Variants in TFB1M observed in about 807,000 individuals in gnomAD.
The protein encoded by TFB1M is dimethyladenosine transferase 1, mitochondrial.
In TFB1M, 27 loss-of-function variants were observed where a neutral mutation model predicts 31.1. The ratio of observed to expected loss-of-function variants is 0.87; its 90% confidence interval spans 0.64 to 1.20. The LOEUF (loss-of-function observed/expected upper bound fraction) is 1.20. Ranked by LOEUF, TFB1M falls within the 50% of genes most tolerant of loss-of-function variation. The probability of loss-of-function intolerance (pLI) is 0.00; values close to 1 mark genes in which losing one functional copy is unlikely to be tolerated. For synonymous variants in TFB1M, 166 were observed against 151.8 expected, an observed-to-expected ratio of 1.09 and a Z score of -0.69; for missense variants, 394 against 418.7, an observed-to-expected ratio of 0.94 and a Z score of 0.51.
intron 2 of TFB1M, among the ~76,000 whole-genome samples, chr6:155,305,599 A>ATAT (rs1168481176): frequency 6.8e-5 from 1 of 14,776 alleles, no homozygotes; most frequent in Non-Finnish European, 1.1e-4. Context: ...ATATTTATAT[A>ATAT]TAAATATATA....
At position 155,285,028 on chromosome 6, in the gene TFB1M, C is replaced by T. The variant is rs978837974; in HGVS notation, c.666+130G>A. 7.4e-6 allele frequency: 9 copies of T among 1,217,058 alleles called. No individual in the cohort carries two copies. In the African/African-American group the frequency reaches 1.2e-4, roughly 16 times the overall value. The allele number at this position is 1,217,058 out of a possible 1,614,324, so 75.4% of individuals were successfully genotyped here. On this transcript the variant is annotated intron_variant, in intron 5 of 6. Coordinates refer to ENST00000367166, the MANE Select transcript of TFB1M (RefSeq NM_016020.4). ...TATTACGATTTTTGTGGTTCTTATT[C>T]AGAAGTAAAGTACAGTGTCAGTTTG... is the stretch of plus-strand genomic sequence containing the variant.
At chr6:155,265,743 A>ATAATATATAATATAAATATATATTATATG (rs1290380034) in intron 5 of TFB1M, among the ~76,000 whole-genome samples, 1 of 145,818 alleles carries the variant, frequency 6.9e-6, no homozygotes, top group East Asian at 1.9e-4. Context: ...TATATTATAT[A>ATAATATATAATATAAATATATATTATATG]TAATATATAA....
the TFB1M span, among the ~76,000 whole-genome samples, chr6:155,239,651 A>G: frequency 5.3e-5 from 8 of 152,178 alleles, no homozygotes; most frequent in African/African-American, 1.9e-4. Flanking sequence ...TGGTCCCCCC[A>G]GATGGTCATG....
chr6:155,314,089 C>T, intron 1 of TFB1M: 1 of 1,448,456 alleles, frequency 6.9e-7, no homozygotes, highest in Non-Finnish European at 9.1e-7. Context: ...CCCCCCCGAA[C>T]GCGGAGTTTT....
At chr6:155,291,768 C>T (rs1776937834) in intron 4 of TFB1M, among the ~76,000 whole-genome samples, 1 of 152,148 alleles carries the variant, frequency 6.6e-6, no homozygotes, top group Non-Finnish European at 1.5e-5. Context: ...TTGCCAAATG[C>T]CCCTGAGGAG....
At position 155,256,582 on chromosome 6, in the gene TFB1M, T is replaced by C. The variant is rs114515125; in HGVS notation, c.*1254A>G. 0.01 allele frequency: 16,797 copies of C among 1,614,128 alleles called. 302 individuals are homozygous for C. Among genetic ancestry groups the C allele is most frequent in the African/African-American group, 0.051 (3,833 of 75,030 alleles). On this transcript the variant is annotated 3_prime_UTR_variant, in exon 7 of 7. Transcript: ENST00000367166. ...CTTGCTGGACTCTGACGAGGGCAGC[T>C]TGAGCAGCGGCACCCAGAGCAGCGG...
chr6:155,284,494 A>G (rs1776531679), intron 5 of TFB1M, among the ~76,000 whole-genome samples: 1 of 152,216 alleles, frequency 6.6e-6, no homozygotes, highest in Non-Finnish European at 1.5e-5. Context: ...ATTTTCAAAC[A>G]GTAAATGCTC....
downstream of TFB1M, chr6:155,255,308 A>C (rs1421265039): frequency 6.6e-6 from 1 of 152,216 alleles, no homozygotes; most frequent in Non-Finnish European, 1.5e-5. Flanking sequence ...TTCTTAATCG[A>C]TAGGGCACCA....
chr6:155,302,557 A>T (rs925497387), intron 2 of TFB1M, among the ~76,000 whole-genome samples: 3 of 152,174 alleles, frequency 2.0e-5, no homozygotes, highest in African/African-American at 7.2e-5. Context: ...AATAACTTGA[A>T]TTGTATTAAA....
intron 4 of TFB1M, among the ~76,000 whole-genome samples, chr6:155,287,438 A>G (rs1291080969): frequency 6.6e-6 from 1 of 152,208 alleles, no homozygotes; most frequent in Non-Finnish European, 1.5e-5. Context: ...TGATAATGGA[A>G]TACGAGATTG....
At chr6:155,239,494 T>C in the TFB1M span, among the ~76,000 whole-genome samples, 15 of 152,208 alleles carry the variant, frequency 9.9e-5, no homozygotes, top group Non-Finnish European at 2.2e-4. Flanking sequence ...AAGGACACTT[T>C]GTAATCTGAC....
At chr6:155,236,861 T>C in the TFB1M span, among the ~76,000 whole-genome samples, 1 of 152,150 alleles carries the variant, frequency 6.6e-6, no homozygotes, top group Non-Finnish European at 1.5e-5. Context: ...ATGAGAATTA[T>C]TTATGGGAGC....
At chr6:155,244,930 C>T in the TFB1M span, 1 of 1,062,434 alleles carries the variant, frequency 9.4e-7, no homozygotes, top group Non-Finnish European at 1.3e-6. Flanking sequence ...CACCGTTTTC[C>T]TCTGTCAGGT....
chr6:155,305,212 T>TTATA (rs1208610974), intron 2 of TFB1M, among the ~76,000 whole-genome samples: 1 of 42,848 alleles, frequency 2.3e-5, no homozygotes, highest in Non-Finnish European at 3.6e-5. Flanking sequence ...ATATATTAAA[T>TTATA]TATATATTTA....
At chr6:155,273,614 C>T (rs1011476587) in intron 5 of TFB1M, among the ~76,000 whole-genome samples, 2 of 152,020 alleles carry the variant, frequency 1.3e-5, no homozygotes, top group Non-Finnish European at 2.9e-5. Context: ...TTTTTGCCTC[C>T]AGATACAGTG....
intron 6 of TFB1M, 133 bp from the exon 7 acceptor site, chr6:155,258,215 G>A (rs1784206313): frequency 8.9e-7 from 1 of 1,123,000 alleles, no homozygotes; most frequent in South Asian, 1.3e-5. Context: ...AGTGGCAGGA[G>A]CCTCTTGGAT....
chr6:155,243,676 G>GC, the TFB1M span, among the ~76,000 whole-genome samples: 1 of 151,594 alleles, frequency 6.6e-6, no homozygotes, highest in Non-Finnish European at 1.5e-5. Context: ...GTGAAACCCT[G>GC]CCCCTACTAA....
chr6:155,312,969 T>C (rs1383876210), intron 1 of TFB1M, among the ~76,000 whole-genome samples: 2 of 152,132 alleles, frequency 1.3e-5, no homozygotes, highest in Non-Finnish European at 2.9e-5. Flanking sequence ...AGGAAACTAC[T>C]GGACATGGTG....
intron 2 of TFB1M, among the ~76,000 whole-genome samples, chr6:155,307,594 T>C (rs1004734530): frequency 2.6e-5 from 4 of 152,230 alleles, no homozygotes; most frequent in Admixed American, 2.0e-4. Context: ...AAGAGGAGAT[T>C]TGGGTGAGGA....
Sources: gnomAD v4.1 joint callset for allele counts (sites outside exome capture counted in the v4.1 genomes callset) on GRCh38, gnomAD v4.1.1 for gene constraint, MANE v1.5 for transcripts, NCBI Gene and HGNC (gene_info 2026-07-23, HGNC 2026-07-21) for gene names.